NCAM1: variants seen among roughly 807,000 people sequenced by gnomAD.
The protein encoded by NCAM1 is antigen recognized by monoclonal antibody 5.1H11.
NCAM1 carries 14 observed loss-of-function variants against 109.8 expected under a neutral mutation model. The observed-to-expected ratio is 0.13, with a 90% confidence interval of 0.08 to 0.20. The LOEUF (loss-of-function observed/expected upper bound fraction) is 0.20, where lower values mean the gene tolerates loss of function less well. Ranked by LOEUF, NCAM1 falls within the 10% of genes least tolerant of loss-of-function variation. The pLI is 1.00. For synonymous variants in NCAM1, 418 were observed against 442.9 expected (o/e 0.94, Z 0.70); for missense variants, 774 against 1,109.9 (o/e 0.70, Z 4.30).
At chr11:113,134,725 C>T (rs1555099061) in intron 1 of NCAM1, among the ~76,000 whole-genome samples, 1 of 152,182 alleles carries the variant, frequency 6.6e-6, no homozygotes, top group Non-Finnish European at 1.5e-5. Flanking sequence ...GTCCCCATCA[C>T]CCTCACACTG....
At chr11:113,028,627 A>G (rs1009385497) in intron 1 of NCAM1, among the ~76,000 whole-genome samples, 1 of 152,222 alleles carries the variant, frequency 6.6e-6, no homozygotes, top group Non-Finnish European at 1.5e-5. Flanking sequence ...AGCATTATAA[A>G]GTTATCTAGT....
In NCAM1 at chr11:113,273,460, C is replaced by G. The variant is rs1002261832; in HGVS notation, c.2456+1584C>G. The G allele has an allele frequency of 1.2e-5, 4 of 335,230 alleles. No individual in the cohort carries two copies. The highest frequency in any genetic ancestry group is 4.0e-5 in the Admixed American group (1 of 25,134). 20.8% of individuals were successfully genotyped at this position (335,230 alleles called of 1,614,324 possible). The stretch of plus-strand genomic sequence containing the variant: ...CAGGAGGCTCCCAGCACCAAAGGCC[C>G]GGACCCGGAGCCCACCCAGCCCGGA... On this transcript the variant is annotated intron_variant, in intron 19 of 19. Transcript: ENST00000316851. This position sits in a 1 kb window ranked among gnomAD's most constrained non-coding sequence, Gnocchi z 6.0.
chr11:113,024,278 G>A (rs984174774), intron 1 of NCAM1, among the ~76,000 whole-genome samples: 7 of 152,128 alleles, frequency 4.6e-5, no homozygotes, highest in Admixed American at 3.3e-4. Context: ...TACTGCCCTC[G>A]GTTTTGAACT....
chr11:113,230,572 G>T (rs782275277), intron 9 of NCAM1, among the ~76,000 whole-genome samples: 10 of 152,150 alleles, frequency 6.6e-5, no homozygotes, highest in Non-Finnish European at 1.2e-4. Flanking sequence ...GGGCTTCAGG[G>T]CCCCAAACCA....
intron 2 of NCAM1, 119 bp downstream of exon 2, chr11:113,202,572 G>A: frequency 2.3e-6 from 2 of 861,774 alleles, no homozygotes; most frequent in Non-Finnish European, 3.5e-6. Flanking sequence ...TCTTGGCATT[G>A]CTCTATTACA....
intron 17 of NCAM1, among the ~76,000 whole-genome samples, chr11:113,267,203 C>CGTTT (rs1273846770): frequency 2.0e-5 from 3 of 152,172 alleles, no homozygotes; most frequent in Non-Finnish European, 4.4e-5. Flanking sequence ...CGTCTCCAGA[C>CGTTT]TAAACACTCA....
At chr11:113,068,734 G>GACT (rs143358962) in intron 1 of NCAM1, among the ~76,000 whole-genome samples, 2,314 of 152,222 alleles carry the variant, frequency 0.015, 59 homozygotes, top group African/African-American at 0.052. Context: ...CCCTGCTTGT[G>GACT]ACTTTAGCAA....
intron 1 of NCAM1, among the ~76,000 whole-genome samples, chr11:113,066,107 A>G (rs1048209042): frequency 2.6e-5 from 4 of 152,260 alleles, no homozygotes; most frequent in African/African-American, 7.2e-5. Context: ...GTGTAGGATG[A>G]ACATATGAAT....
intron 7 of NCAM1, 142 bp downstream of exon 7, chr11:113,208,144 C>A: frequency 9.9e-7 from 1 of 1,013,478 alleles, no homozygotes; most frequent in Non-Finnish European, 1.4e-6. Flanking sequence ...CCACCTAGTC[C>A]AAGCCCTAGT....
intron 1 of NCAM1, among the ~76,000 whole-genome samples, chr11:113,078,555 C>T (rs1938637053): frequency 6.6e-6 from 1 of 151,986 alleles, no homozygotes; most frequent in Admixed American, 6.6e-5. Flanking sequence ...GTTTCGATTG[C>T]CATGTTTGGA....
intron 1 of NCAM1, among the ~76,000 whole-genome samples, chr11:113,021,038 T>G (rs1952368236): frequency 6.6e-6 from 1 of 152,238 alleles, no homozygotes; most frequent in Non-Finnish European, 1.5e-5. Flanking sequence ...ATTACAGGCA[T>G]GAGCCACCGC....
intron 1 of NCAM1, among the ~76,000 whole-genome samples, chr11:113,045,811 T>C (rs2135357917): frequency 6.6e-6 from 1 of 152,208 alleles, no homozygotes; most frequent in Admixed American, 6.5e-5. Context: ...GTGAAGTGGC[T>C]CAACTCAAGG....
chr11:113,118,670 A>C (rs1390114355), intron 1 of NCAM1, among the ~76,000 whole-genome samples: 10 of 151,982 alleles, frequency 6.6e-5, no homozygotes, highest in Non-Finnish European at 1.3e-4. Context: ...CCAGAAAAAA[A>C]GTTTCGGTGA....
At position 113,235,138 on chromosome 11, in the gene NCAM1, C is replaced by T; in HGVS notation, c.1799C>T (p.Ala600Val). ...NGKGLGEISAASEFKTQPVQG... is the reference protein window; with the variant it reads ...NGKGLGEISAVSEFKTQPVQG... ...AAAGGGCTGGGTGAGATCAGCGCGG[C>T]CTCCGAGTTCAAGACGCAGCCAGTC... The change falls in exon 14 of 20, where the codon GCC becomes GTC. Residue 600 changes from alanine to valine, a missense_variant. Transcript: ENST00000316851. The T allele has an allele frequency of 6.2e-7, 1 of 1,613,566 alleles. No individual in the cohort carries two copies.
intron 14 of NCAM1, among the ~76,000 whole-genome samples, chr11:113,240,216 G>A (rs985485223): frequency 2.0e-5 from 3 of 152,212 alleles, no homozygotes; most frequent in African/African-American, 4.8e-5. Flanking sequence ...AGCATCATCT[G>A]TATGATACAG....
chr11:113,073,594 G>A (rs1180965644), intron 1 of NCAM1, among the ~76,000 whole-genome samples: 2 of 152,140 alleles, frequency 1.3e-5, no homozygotes, highest in Non-Finnish European at 2.9e-5. Context: ...GTTATTTTAT[G>A]TTAATTTTGT....
chr11:113,168,562 C>T (rs1426314244), intron 1 of NCAM1, among the ~76,000 whole-genome samples: 6 of 152,166 alleles, frequency 3.9e-5, no homozygotes, highest in Admixed American at 1.3e-4. Flanking sequence ...AATTGTAGTT[C>T]GTTGCAGTGT....
At chr11:113,071,918 G>T (rs1381499150) in intron 1 of NCAM1, among the ~76,000 whole-genome samples, 1 of 152,140 alleles carries the variant, frequency 6.6e-6, no homozygotes, top group Non-Finnish European at 1.5e-5. Flanking sequence ...GCCGAAGCAG[G>T]TGGACGATTT....
In NCAM1 at chr11:113,216,146, A is replaced by ATTT. The variant is rs34687568; in HGVS notation, c.1059+1655_1059+1657dup. Among the ~76,000 whole-genome samples, 651 of 101,420 alleles carry ATTT rather than the reference A, an allele frequency of 6.4e-3. 11 individuals carry two copies. The highest frequency in any genetic ancestry group is 0.011 in the African/African-American group (280 of 25,922). 66.5% of individuals were successfully genotyped at this position (101,420 alleles called of 152,430 possible). A position where few individuals can be genotyped will look rare whatever the true frequency, so the allele number is the denominator to read the frequency against. ...ACTTCTGGCTTGTAGCTATGATTTC[A>ATTT]TTTTTTTTTTTTTTTTTTTTTTGAG... On this transcript the variant is annotated intron_variant, in intron 8 of 19. Coordinates refer to ENST00000316851, the MANE Select transcript of NCAM1 (RefSeq NM_181351.5).
Sources: gnomAD v4.1 joint callset for allele counts (sites outside exome capture counted in the v4.1 genomes callset) on GRCh38, gnomAD v4.1.1 for gene constraint, Gnocchi (gnomAD v3.1) non-coding constraint, MANE v1.5 for transcripts, NCBI Gene and HGNC (gene_info 2026-07-23, HGNC 2026-07-21) for gene names.